The following MYOZ1 variants were observed in gnomAD, a reference collection of about 807,000 sequenced individuals.
MYOZ1 encodes myozenin-1.
Under a neutral mutation model 28.7 loss-of-function variants are expected in MYOZ1, and 20 were observed. That is an observed-to-expected ratio of 0.70 (90% CI 0.49 to 1.01). The LOEUF is 1.01. Ranked by LOEUF, MYOZ1 falls within the 50% of genes least tolerant of loss-of-function variation. MYOZ1 has a pLI of 0.00. For missense variants in MYOZ1, 371 were observed against 372.4 expected (o/e 1.00, Z 0.03); for synonymous variants, 144 against 145.8 (o/e 0.99, Z 0.09).
chr10:73,638,965 CTTTT>C (rs71482555), intron 2 of MYOZ1, among the ~76,000 whole-genome samples: 1 of 99,378 alleles, frequency 1.0e-5, no homozygotes. Context: ...CACGCCTGGA[CTTTT>C]TTTTTTTTTT....
At chr10:73,638,043 G>C (rs2081678412) in intron 2 of MYOZ1, 121 bp from the exon 3 acceptor site, 4 of 872,754 alleles carry the variant, frequency 4.6e-6, no homozygotes, top group African/African-American at 1.7e-5. Flanking sequence ...GTCATTTAGG[G>C]GAACAAATGC....
At chr10:73,635,674 T>C (rs1455079274) in intron 3 of MYOZ1, among the ~76,000 whole-genome samples, 15 of 152,116 alleles carry the variant, frequency 9.9e-5, no homozygotes, top group African/African-American at 3.6e-4. Context: ...ATGAGCTGTG[T>C]CCAGCCCCAA....
Position 73,634,040 on chromosome 10 carries a change from T to G in MYOZ1, c.528A>C (p.Lys176Asn). ...GSGDQAGGEG[K>N]HITVFKTYIS... ...TATAGGTCTTGAACACAGTGATATG[T>G]TTTCCTTCTCCGCCTGCCTGGTCTC... The change falls in exon 5 of 6, where the codon AAA becomes AAC. Residue 176 changes from lysine (K) to asparagine (N), a missense_variant. By Grantham distance (94) the Lys-to-Asn change is moderately conservative (BLOSUM62 0). Coordinates refer to ENST00000359322, the MANE Select transcript of MYOZ1 (RefSeq NM_021245.4). 1 of 1,613,920 alleles carries G rather than the reference T, an allele frequency of 6.2e-7. No individual in the cohort carries two copies. The highest frequency in any genetic ancestry group is 1.1e-5 in the South Asian group (1 of 91,008).
chr10:73,636,380 C>A lies in MYOZ1; in HGVS notation c.252+1364G>T, dbSNP rs543719121. Among the ~76,000 whole-genome samples, 7 of 152,274 alleles carry A rather than the reference C, an allele frequency of 4.6e-5. No homozygotes were observed. The South Asian group carries it at 1.4e-3, about 32-fold the overall frequency. On this transcript the variant is annotated intron_variant, in intron 3 of 5. Transcript: ENST00000359322. ...GAGGTGGCTGTAAAAACTCAATTAA[C>A]TCTTTCTAGGGTTGCCAGATTTAGC...
intron 2 of MYOZ1, among the ~76,000 whole-genome samples, chr10:73,638,637 A>ATTTT (rs1172574931): frequency 3.4e-5 from 4 of 115,950 alleles, no homozygotes; most frequent in East Asian, 3.0e-4. Context: ...CCCAGCCTAC[A>ATTTT]TTTTATTTAT....
rs200349316 is a variant in MYOZ1, at chr10:73,637,010, C to CTTTTTTTTTTTTTTTT, written c.252+733_252+734insAAAAAAAAAAAAAAAA. On this transcript the variant is annotated intron_variant, in intron 3 of 5. Coordinates refer to ENST00000359322, the MANE Select transcript of MYOZ1 (RefSeq NM_021245.4). ...TTATCTTCTTCCTTTTTTCTTTTTT[C>CTTTTTTTTTTTTTTTT]TTTCTTTTTTTTTTTTTTTTGAGAC... Among the ~76,000 whole-genome samples, 55 of 137,492 alleles carry CTTTTTTTTTTTTTTTT rather than the reference C, an allele frequency of 4.0e-4. 2 individuals are homozygous for CTTTTTTTTTTTTTTTT. Among genetic ancestry groups the CTTTTTTTTTTTTTTTT allele is most frequent in the African/African-American group, 1.2e-3 (41 of 34,242 alleles). 90.2% of individuals were successfully genotyped at this position (137,492 alleles called of 152,430 possible).
At chr10:73,633,534 G>T (rs964808245) in intron 5 of MYOZ1, among the ~76,000 whole-genome samples, 6 of 152,060 alleles carry the variant, frequency 3.9e-5, no homozygotes, top group African/African-American at 4.8e-5. Flanking sequence ...TTCGAGACCT[G>T]CCTGGGCGAT....
Position 73,637,900 on chromosome 10 carries a change from C to T in MYOZ1, c.96G>A (p.Leu32=). The T allele has an allele frequency of 6.2e-7, 1 of 1,613,388 alleles. No homozygotes were observed. The highest frequency in any genetic ancestry group is 8.5e-7 in the Non-Finnish European group (1 of 1,179,808). ...LTGGGQESSG[L]NLGKKISVPR... ...GGACACTGATCTTTTTGCCCAGGTT[C>T]AAGCCTGAGCTCTCCTGTCCACCTT... Residue 32 remains leucine, a synonymous_variant, in exon 3 of 6, where the codon TTG becomes TTA. Transcript: ENST00000359322.
At chr10:73,639,320 A>C (rs2081689150) in intron 2 of MYOZ1, among the ~76,000 whole-genome samples, 1 of 151,684 alleles carries the variant, frequency 6.6e-6, no homozygotes, top group African/African-American at 2.4e-5. Context: ...ACGAGGTTTT[A>C]CCATGTGCCT....
In MYOZ1 at chr10:73,637,874, G is replaced by A. The variant is rs2081677001; in HGVS notation, c.122C>T (p.Pro41Leu). Residue 41 changes from proline (P) to leucine (L), a missense_variant, in exon 3 of 6, where the codon CCA becomes CTA. By Grantham distance (98) the Pro-to-Leu change is moderately conservative. Coordinates refer to ENST00000359322, the MANE Select transcript of MYOZ1 (RefSeq NM_021245.4). ...CAGTTCCTCCAACATCACATCCCTTGGGACACTGATCTTTTTGCCCAGGTT... is the reference window on the plus strand; with the variant it reads ...CAGTTCCTCCAACATCACATCCCTTAGGACACTGATCTTTTTGCCCAGGTT... ...GLNLGKKISV[P>L]RDVMLEELSL... 1 of 1,613,978 alleles carries A rather than the reference G, an allele frequency of 6.2e-7. No individual in the cohort carries two copies. The highest frequency in any genetic ancestry group is 8.5e-7 in the Non-Finnish European group (1 of 1,180,026).
chr10:73,639,209 A>G (rs1306939647), intron 2 of MYOZ1, among the ~76,000 whole-genome samples: 1 of 151,366 alleles, frequency 6.6e-6, no homozygotes, highest in Non-Finnish European at 1.5e-5. Flanking sequence ...GGCAGCCTCC[A>G]CCTCCCGGGT....
Position 73,634,561 on chromosome 10 carries a change from C to T in MYOZ1, c.425G>A (p.Gly142Glu). ...QHHLGSGSGA[G>E]GTGGPAGQAG... ...CTGGCCCGCGGGACCACCTGTACCCCCAGCTCCAGACCCAGAGCCCAGATG... is the reference window on the plus strand; with the variant it reads ...CTGGCCCGCGGGACCACCTGTACCCTCAGCTCCAGACCCAGAGCCCAGATG... Residue 142 changes from glycine to glutamate, a missense_variant, in exon 4 of 6, where the codon GGG (glycine) becomes GAG (glutamate). Coordinates refer to ENST00000359322, the MANE Select transcript of MYOZ1 (RefSeq NM_021245.4). 1 of 1,614,150 alleles carries T rather than the reference C, an allele frequency of 6.2e-7. No individual in the cohort carries two copies. The highest frequency in any genetic ancestry group is 8.5e-7 in the Non-Finnish European group (1 of 1,180,040).
At chr10:73,635,673 G>GCCCCCCC (rs1255482258) in intron 3 of MYOZ1, among the ~76,000 whole-genome samples, 15 of 152,056 alleles carry the variant, frequency 9.9e-5, no homozygotes, top group African/African-American at 3.6e-4. Flanking sequence ...CATGAGCTGT[G>GCCCCCCC]TCCAGCCCCA....
At chr10:73,636,652 T>C (rs1442634927) in intron 3 of MYOZ1, among the ~76,000 whole-genome samples, 1 of 152,040 alleles carries the variant, frequency 6.6e-6, no homozygotes, top group Non-Finnish European at 1.5e-5. Context: ...AACAGAGTCT[T>C]GCCATGTTGC....
At position 73,632,021 on chromosome 10, in the gene MYOZ1, C is replaced by T. The variant is rs147643592; in HGVS notation, c.809G>A (p.Arg270Gln). 21 of 1,613,870 alleles carry T rather than the reference C, an allele frequency of 1.3e-5. No homozygotes were observed. The highest frequency in any genetic ancestry group is 2.7e-5 in the African/African-American group (2 of 74,846). The stretch of plus-strand genomic sequence containing the variant: ...AGAGCTCAGCCAGGGAATAGGGGTT[C>T]GATTGAAAGAAGGCCTGTTGGAGAG... ...QNLSNRPSFN[R>Q]TPIPWLSSGE... Residue 270 changes from arginine to glutamine, a missense_variant, in exon 6 of 6, where the codon CGA becomes CAA. Coordinates refer to ENST00000359322, the MANE Select transcript of MYOZ1 (RefSeq NM_021245.4).
At chr10:73,640,185 G>A in intron 1 of MYOZ1, 150 bp from the exon 2 acceptor site, 1 of 582,714 alleles carries the variant, frequency 1.7e-6, no homozygotes, top group Non-Finnish European at 3.0e-6. Context: ...ATCTCACTCT[G>A]TCGCCCAGGC....
intron 3 of MYOZ1, 139 bp downstream of exon 3, chr10:73,637,605 C>A: frequency 1.2e-6 from 1 of 821,270 alleles, no homozygotes. Flanking sequence ...CTGTTGCGGG[C>A]TCAATATATC....
chr10:73,639,885 C>T (rs1234120515), intron 2 of MYOZ1, 60 bp downstream of exon 2: 1 of 1,526,558 alleles, frequency 6.6e-7, no homozygotes, highest in African/African-American at 1.4e-5. Flanking sequence ...ATTTCTGGGA[C>T]TCTTGGTTTA....
chr10:73,633,777 A>T lies in MYOZ1; in HGVS notation c.668+123T>A. 3 of 1,058,242 alleles carry T rather than the reference A, an allele frequency of 2.8e-6. No individual in the cohort carries two copies. In the South Asian group the frequency reaches 5.3e-5, roughly 19 times the overall value. 65.6% of individuals were successfully genotyped at this position (1,058,242 alleles called of 1,614,324 possible). ...GAAAAGAGCAGGGCCTTTGATTAGG[A>T]CCCCCATATCCCTGCCATCTCTCCT... On this transcript the variant is annotated intron_variant, in intron 5 of 5. Coordinates refer to ENST00000359322, the MANE Select transcript of MYOZ1 (RefSeq NM_021245.4).
Sources: gnomAD v4.1 joint callset for allele counts (sites outside exome capture counted in the v4.1 genomes callset) on GRCh38, gnomAD v4.1.1 for gene constraint, MANE v1.5 for transcripts, NCBI Gene and HGNC (gene_info 2026-07-23, HGNC 2026-07-21) for gene names.